The following ECT2 variants were observed in gnomAD, a reference collection of about 807,000 sequenced individuals.
The protein encoded by ECT2 is epithelial cell transforming 2.
ECT2 carries 61 observed loss-of-function variants against 116.9 expected under a neutral mutation model. That is an observed-to-expected ratio of 0.52 (90% CI 0.42 to 0.65). The LOEUF (loss-of-function observed/expected upper bound fraction) is 0.65, where lower values mean the gene tolerates loss of function less well. Among genes scored for constraint, ECT2 ranks in the 30% least tolerant of loss-of-function variants. ECT2 has a pLI of 0.00. For missense variants in ECT2, 937 were observed against 1,078.7 expected (o/e 0.87, Z 1.84); for synonymous variants, 358 against 346.4 (o/e 1.03, Z -0.37).
At chr3:172,759,914 G>A (rs1560249777) in intron 6 of ECT2, among the ~76,000 whole-genome samples, 2 of 152,282 alleles carry the variant, frequency 1.3e-5, no homozygotes, top group South Asian at 4.1e-4. Flanking sequence ...AGGAAAGGCG[G>A]TTGTTTAACT....
At chr3:172,770,194 G>T (rs7635102) in intron 13 of ECT2, among the ~76,000 whole-genome samples, 8,931 of 152,218 alleles carry the variant, frequency 0.059, 875 homozygotes, top group African/African-American at 0.2. Context: ...CTAGATAGAT[G>T]AGTTTCTTGT....
intron 12 of ECT2, 121 bp downstream of exon 12, chr3:172,764,621 A>G (rs1210877460): frequency 7.9e-6 from 7 of 884,768 alleles, no homozygotes; most frequent in Non-Finnish European, 1.2e-5. Flanking sequence ...CCTTTGTTCT[A>G]GCTGTAGAGA....
chr3:172,753,258 T>G (rs949381391), intron 1 of ECT2, among the ~76,000 whole-genome samples: 1 of 152,014 alleles, frequency 6.6e-6, no homozygotes, highest in African/African-American at 2.4e-5. Context: ...CACCCACACC[T>G]GGCTAATTTT....
chr3:172,758,686 C>T (rs1032668301), intron 5 of ECT2, among the ~76,000 whole-genome samples: 2 of 152,138 alleles, frequency 1.3e-5, no homozygotes. Flanking sequence ...TGCTTATAGT[C>T]AGTACTTCAT....
downstream of ECT2, among the ~76,000 whole-genome samples, chr3:172,825,344 T>C (rs1183311802): frequency 1.3e-5 from 2 of 152,048 alleles, no homozygotes; most frequent in East Asian, 3.9e-4. Context: ...TAATTAATAA[T>C]TAATCCTACA....
At chr3:172,789,249 C>T (rs143243356) in intron 18 of ECT2, among the ~76,000 whole-genome samples, 1,480 of 144,050 alleles carry the variant, frequency 0.01, 31 homozygotes, top group African/African-American at 0.035. Flanking sequence ...GACAGGATCT[C>T]ACTCTGGTTG....
rs370261052 is a variant in ECT2 at position 172,816,116 on chromosome 3, T to G, written c.2508+405T>G. Among the ~76,000 whole-genome samples, 5 of 152,288 alleles carry G rather than the reference T, an allele frequency of 3.3e-5. No homozygotes were observed. In the East Asian group the frequency reaches 9.7e-4, roughly 29 times the overall value. On this transcript the variant is annotated intron_variant, in intron 23 of 24. Transcript: ENST00000392692. Reference sequence around the variant, plus strand: ...CTTCTCGTGATGAAGATAACTTACTTACCTTATCAGAGTTGTTGAGGATTA... The same window carrying G: ...CTTCTCGTGATGAAGATAACTTACTGACCTTATCAGAGTTGTTGAGGATTA...
At chr3:172,805,514 A>G (rs1196674145) in intron 20 of ECT2, among the ~76,000 whole-genome samples, 2 of 151,734 alleles carry the variant, frequency 1.3e-5, no homozygotes, top group South Asian at 2.1e-4. Context: ...TTTTTTCCTG[A>G]CTTTTGAACT....
In ECT2 at chr3:172,820,241, G is replaced by A. The variant is rs374088935; in HGVS notation, c.*4G>A. ...ATCTACAACTCATTTGATATGAAGCGTTACCAAAATCTTAAATTATAGAAA... is the reference window on the plus strand; with the variant it reads ...ATCTACAACTCATTTGATATGAAGCATTACCAAAATCTTAAATTATAGAAA... On this transcript the variant is annotated 3_prime_UTR_variant, in exon 25 of 25. Coordinates refer to ENST00000392692, the MANE Select transcript of ECT2 (RefSeq NM_001258315.2). 1.1e-4 allele frequency: 177 copies of A among 1,584,118 alleles called. No homozygotes were observed. Among genetic ancestry groups the A allele is most frequent in the Non-Finnish European group, 1.4e-4 (168 of 1,162,644 alleles).
downstream of ECT2, among the ~76,000 whole-genome samples, chr3:172,824,271 G>A (rs1227910973): frequency 6.6e-6 from 1 of 152,176 alleles, no homozygotes; most frequent in South Asian, 2.1e-4. Context: ...AGTTCTGCAT[G>A]GCTGCACAGG....
At chr3:172,774,978 C>A (rs900459073) in intron 14 of ECT2, among the ~76,000 whole-genome samples, 7 of 152,118 alleles carry the variant, frequency 4.6e-5, no homozygotes, top group Non-Finnish European at 1.0e-4. Context: ...AACTCTAAAC[C>A]TCTAATGGAC....
intron 16 of ECT2, 97 bp downstream of exon 16, chr3:172,784,006 A>G (rs1723172340): frequency 1.2e-6 from 1 of 829,608 alleles, no homozygotes; most frequent in Non-Finnish European, 1.9e-6. Flanking sequence ...ACTTTAGTAA[A>G]ATGTATCCAT....
chr3:172,820,218 C>T lies in ECT2; in HGVS notation c.2726C>T (p.Ser909Phe). 6.2e-7 allele frequency: 1 copy of T among 1,607,592 alleles called. No homozygotes were observed. The highest frequency in any genetic ancestry group is 1.1e-5 in the South Asian group (1 of 90,112). The change falls in exon 25 of 25, where the codon TCT (serine) becomes TTT (phenylalanine). Residue 909 changes from serine to phenylalanine, a missense_variant. Coordinates refer to ENST00000392692, the MANE Select transcript of ECT2 (RefSeq NM_001258315.2). ...AGGAGAAGTCATACGTTAAGTAGAT[C>T]TACAACTCATTTGATATGAAGCGTT... Reference protein sequence around the residue: ...FERRSHTLSRSTTHLI With the variant: ...FERRSHTLSRFTTHLI
At chr3:172,782,061 C>A in intron 14 of ECT2, 102 bp from the exon 15 acceptor site, 1 of 558,228 alleles carries the variant, frequency 1.8e-6, no homozygotes, top group Non-Finnish European at 3.0e-6. Flanking sequence ...AATTAAGACA[C>A]TTTGTAAAGT....
chr3:172,758,614 C>T (rs1475914448), intron 5 of ECT2, among the ~76,000 whole-genome samples: 2 of 152,116 alleles, frequency 1.3e-5, no homozygotes, highest in Non-Finnish European at 2.9e-5. Context: ...TAAAATGCCT[C>T]TGACCTGTTT....
At chr3:172,777,071 C>T (rs934415085) in intron 14 of ECT2, among the ~76,000 whole-genome samples, 10 of 151,964 alleles carry the variant, frequency 6.6e-5, no homozygotes, top group African/African-American at 2.4e-4. Flanking sequence ...GGGGTTTCAC[C>T]ACATTGGCCA....
chr3:172,774,105 C>T, intron 14 of ECT2, 83 bp downstream of exon 14: 1 of 1,389,844 alleles, frequency 7.2e-7, no homozygotes, highest in African/African-American at 1.4e-5. Flanking sequence ...TTCTGGTTAG[C>T]TAAATAAGTT....
intron 23 of ECT2, among the ~76,000 whole-genome samples, chr3:172,815,987 T>C (rs1372778747): frequency 6.6e-6 from 1 of 152,130 alleles, no homozygotes; most frequent in Non-Finnish European, 1.5e-5. Context: ...TTTAAATATG[T>C]GTGCACTCAT....
At chr3:172,755,715 T>A (rs1259445240) in intron 4 of ECT2, 140 bp downstream of exon 4, 1 of 396,218 alleles carries the variant, frequency 2.5e-6, no homozygotes, top group East Asian at 3.7e-5. Context: ...TTTATACTTT[T>A]TAACTCCTTA....
Sources: gnomAD v4.1 joint callset for allele counts (sites outside exome capture counted in the v4.1 genomes callset) on GRCh38, gnomAD v4.1.1 for gene constraint, MANE v1.5 for transcripts, NCBI Gene and HGNC (gene_info 2026-07-23, HGNC 2026-07-21) for gene names.